The following KSR1 variants were observed in gnomAD, a reference collection of about 807,000 sequenced individuals.
The protein encoded by KSR1 is kinase suppressor of ras 1.
In KSR1, 35 loss-of-function variants were observed where a neutral mutation model predicts 92.9. The ratio of observed to expected loss-of-function variants is 0.38; its 90% CI spans 0.29 to 0.50. The LOEUF is 0.50. Ranked by LOEUF, KSR1 falls within the 20% of genes least tolerant of loss-of-function variation. KSR1 has a pLI of 0.94. For synonymous variants in KSR1, 467 were observed against 472.6 expected, an observed-to-expected ratio of 0.99 and a Z score of 0.15; for missense variants, 972 against 1,158.5, an observed-to-expected ratio of 0.84 and a Z score of 2.34.
chr17:27,544,068 C>T (rs1278304297), intron 1 of KSR1, among the ~76,000 whole-genome samples: 1 of 152,208 alleles, frequency 6.6e-6, no homozygotes, highest in African/African-American at 2.4e-5. Flanking sequence ...GTGTTCCACA[C>T]GTTTTGCTGA....
At chr17:27,495,760 C>T (rs979588604) in intron 1 of KSR1, among the ~76,000 whole-genome samples, 10 of 152,146 alleles carry the variant, frequency 6.6e-5, no homozygotes, top group Admixed American at 2.6e-4. Flanking sequence ...GAGTTGATGG[C>T]GGGTCTACAG....
chr17:27,597,451 G>A lies in KSR1; in HGVS notation c.1468+15G>A. The A allele has an allele frequency of 3.8e-6, 6 of 1,589,660 alleles. No homozygotes were observed. The highest frequency in any genetic ancestry group is 5.1e-6 in the Non-Finnish European group (6 of 1,165,968). ...CAACTTCCCAGGTACCACATCTCCA[G>A]GCTTTTCTGGGTTCTAAGGGATACA... On this transcript the variant is annotated intron_variant, in intron 10 of 20. Coordinates refer to ENST00000644974, the MANE Select transcript of KSR1 (RefSeq NM_001394583.1).
chr17:27,509,895 C>T lies in KSR1; in HGVS notation c.232-40673C>T, dbSNP rs574322875. 3.1e-3 allele frequency among the ~76,000 whole-genome samples: 472 copies of T among 152,302 alleles called. 3 individuals are homozygous for T. In the South Asian group the frequency reaches 0.034, roughly 11 times the overall value. On this transcript the variant is annotated intron_variant, in intron 1 of 20. Transcript: ENST00000644974. ...GCCCTTCATTGTGTGTGAGAGGCCA[C>T]GTTGGGCGAGCAGGGGCAATACCCA...
At chr17:27,588,091 C>A (rs138420215) in intron 5 of KSR1, 133 of 157,236 alleles carry the variant, frequency 8.5e-4, no homozygotes, top group African/African-American at 3.0e-3. Flanking sequence ...AGAATTGAGC[C>A]CCTGCACACT....
intron 1 of KSR1, among the ~76,000 whole-genome samples, chr17:27,543,261 A>G (rs1325608457): frequency 6.6e-6 from 1 of 152,232 alleles, no homozygotes; most frequent in Non-Finnish European, 1.5e-5. Flanking sequence ...GTGGCCACAG[A>G]GGAACCCAGC....
chr17:27,559,271 C>A lies in KSR1; in HGVS notation c.372+8563C>A, dbSNP rs1463294764. Among the ~76,000 whole-genome samples the A allele has an allele frequency of 6.6e-6, 1 of 152,222 alleles. No individual in the cohort carries two copies. On this transcript the variant is annotated intron_variant, in intron 2 of 20. Coordinates refer to ENST00000644974, the MANE Select transcript of KSR1 (RefSeq NM_001394583.1). The surrounding 1 kb of genome is among the most constrained non-coding windows in gnomAD (Gnocchi z 4.2). ...TGAGTCAGATGCCAGCCCTCTGCGG[C>A]TCCGAGCCTGCTGCGGCGCTGCATG...
chr17:27,570,885 G>A (rs1430889666), intron 2 of KSR1, among the ~76,000 whole-genome samples: 1 of 152,204 alleles, frequency 6.6e-6, no homozygotes, highest in Non-Finnish European at 1.5e-5. Context: ...CTGAAGTGGG[G>A]CCCAAGCATT....
chr17:27,486,532 A>G (rs1318826448), intron 1 of KSR1, among the ~76,000 whole-genome samples: 3 of 152,330 alleles, frequency 2.0e-5, no homozygotes, highest in African/African-American at 4.8e-5. Flanking sequence ...CTGGAGAATA[A>G]GGATGGGAAG....
intron 19 of KSR1, among the ~76,000 whole-genome samples, chr17:27,618,626 C>T (rs550657432): frequency 2.6e-5 from 4 of 152,322 alleles, no homozygotes; most frequent in African/African-American, 4.8e-5. Context: ...GGAGCAGCCA[C>T]GGACAGCATA....
chr17:27,506,514 TGGGGTTGCACATTTC>T (rs2069387347), intron 1 of KSR1, among the ~76,000 whole-genome samples: 1 of 152,250 alleles, frequency 6.6e-6, no homozygotes, highest in African/African-American at 2.4e-5. Context: ...AACCTGTGTC[TGGGGTTGCACATTTC>T]GGTGATTTCC....
chr17:27,480,279 C>G (rs1006458228), intron 1 of KSR1, among the ~76,000 whole-genome samples: 4 of 152,218 alleles, frequency 2.6e-5, no homozygotes, highest in African/African-American at 4.8e-5. Context: ...CTGCCTCCCC[C>G]ACCTAACACA....
intron 6 of KSR1, among the ~76,000 whole-genome samples, chr17:27,590,360 A>C (rs145908706): frequency 6.6e-6 from 1 of 152,336 alleles, no homozygotes; most frequent in East Asian, 1.9e-4. Context: ...ATTCCATCGT[A>C]TGGAAAGACC....
chr17:27,537,097 A>G (rs2070778427), intron 1 of KSR1, among the ~76,000 whole-genome samples: 1 of 152,160 alleles, frequency 6.6e-6, no homozygotes, highest in Non-Finnish European at 1.5e-5. Context: ...GATCCTACAT[A>G]GCCTGCTTTA....
At chr17:27,620,963 C>G (rs992344976) in intron 19 of KSR1, 8 of 372,084 alleles carry the variant, frequency 2.2e-5, no homozygotes, top group African/African-American at 1.7e-4. Flanking sequence ...GCTTCCTGTT[C>G]ACAGTGTTTA....
At chr17:27,583,170 TG>T in intron 4 of KSR1, 65 bp downstream of exon 4, 1 of 1,144,472 alleles carries the variant, frequency 8.7e-7, no homozygotes. Context: ...TAAAGATATA[TG>T]GAAGGACCAA....
At chr17:27,537,981 C>T (rs1417951142) in intron 1 of KSR1, among the ~76,000 whole-genome samples, 1 of 152,140 alleles carries the variant, frequency 6.6e-6, no homozygotes, top group East Asian at 1.9e-4. Context: ...CACAAACAAA[C>T]AGACAAAAAG....
At chr17:27,461,030 C>T (rs2019408035) in intron 1 of KSR1, among the ~76,000 whole-genome samples, 1 of 152,130 alleles carries the variant, frequency 6.6e-6, no homozygotes, top group Admixed American at 6.5e-5. Context: ...CCCCACTGAA[C>T]CCTTGGCCCA....
At position 27,603,729 on chromosome 17, in the gene KSR1, C is replaced by G. The variant is rs948018325; in HGVS notation, c.1511-105C>G. On this transcript the variant is annotated intron_variant, in intron 11 of 20. Coordinates refer to ENST00000644974, the MANE Select transcript of KSR1 (RefSeq NM_001394583.1). The stretch of plus-strand genomic sequence containing the variant: ...TCTGGGGAACATGTGGCAGTCCACT[C>G]AGGGGAAAATCAGCCTCTCTGGGGG... The G allele has an allele frequency of 4.4e-6, 5 of 1,132,048 alleles. No individual in the cohort carries two copies. In the African/African-American group the frequency reaches 6.1e-5, roughly 14 times the overall value. The allele number at this position is 1,132,048 out of a possible 1,614,324, so 70.1% of individuals were successfully genotyped here. A position where few individuals can be genotyped will look rare whatever the true frequency, so the allele number is the denominator to read the frequency against.
chr17:27,564,674 ATTGGC>A (rs1348976143), intron 2 of KSR1, among the ~76,000 whole-genome samples: 2 of 150,704 alleles, frequency 1.3e-5, no homozygotes, highest in East Asian at 3.9e-4. Context: ...GAAGGCTCTG[ATTGGC>A]TTGGCTTTGA....
Sources: allele counts gnomAD v4.1 joint callset (sites outside exome capture counted in the v4.1 genomes callset), GRCh38; gene constraint gnomAD v4.1.1; non-coding constraint Gnocchi (gnomAD v3.1); transcripts MANE v1.5; gene names NCBI Gene and HGNC (gene_info 2026-07-23, HGNC 2026-07-21).